The following RNF212B variants were observed in gnomAD, a reference collection of about 807,000 sequenced individuals.
RNF212B encodes the protein E3 ubiquitin-protein ligase RNF212B.
RNF212B carries 52 observed loss-of-function variants against 55.5 expected under a neutral mutation model. The observed-to-expected ratio is 0.94, with a 90% CI of 0.75 to 1.18. RNF212B has a LOEUF of 1.18. Among genes scored for constraint, RNF212B ranks in the 50% most tolerant of loss-of-function variants. The pLI, the probability that RNF212B is intolerant of heterozygous loss-of-function variation, is 0.00. For synonymous variants in RNF212B, 99 were observed against 121.4 expected (o/e 0.82, Z 1.21); for missense variants, 289 against 350.4 (o/e 0.82, Z 1.40).
chr14:23,225,094 C>T (rs922985315), intron 2 of RNF212B, among the ~76,000 whole-genome samples: 3 of 151,586 alleles, frequency 2.0e-5, no homozygotes, highest in African/African-American at 4.9e-5. Context: ...AAAAAAAACA[C>T]CTACAATAAG....
At chr14:23,234,467 T>C (rs913520896), upstream of RNF212B, among the ~76,000 whole-genome samples, 1 of 152,190 alleles carries the variant, frequency 6.6e-6, no homozygotes, top group Non-Finnish European at 1.5e-5. Flanking sequence ...TTTAGATTTC[T>C]GATCCATTTG....
rs71115601 is a variant in RNF212B, at chr14:23,193,751, C to CAA, written c.-2+361_-2+362dup. 8.8e-3 allele frequency among the ~76,000 whole-genome samples: 1,296 copies of CAA among 147,346 alleles called. 11 individuals carry two copies. Among genetic ancestry groups the CAA allele is most frequent in the Middle Eastern group, 0.014 (4 of 276 alleles). ...TAACGCATACCAGTAGAAGATTTAACAAAAAAAAAAAAGGAAGAATGGAAA... is the reference window on the plus strand; with the variant it reads ...TAACGCATACCAGTAGAAGATTTAACAAAAAAAAAAAAAAGGAAGAATGGAAA... On this transcript the variant is annotated intron_variant, in intron 2 of 15. Transcript: ENST00000399910.
At chr14:23,261,840 C>T (rs1009656419) in intron 7 of RNF212B, among the ~76,000 whole-genome samples, 1 of 151,968 alleles carries the variant, frequency 6.6e-6, no homozygotes, top group African/African-American at 2.4e-5. Context: ...TGGAGGACAC[C>T]TGTAGTCCCA....
Position 23,240,404 on chromosome 14 carries a change from C to G in RNF212B, c.59C>G (p.Thr20Ser). 1 of 1,550,318 alleles carries G rather than the reference C, an allele frequency of 6.5e-7. No individual in the cohort carries two copies. Among genetic ancestry groups the G allele is most frequent in the East Asian group, 2.4e-5 (1 of 40,906 alleles). ...AAAGATGGGGCCCATTTCTTTGTCA[C>G]CAGCTGTGGCCATATTTTCTGTAAA... ...FRKDGAHFFVTSCGHIFCKKC... is the reference protein window; with the variant it reads ...FRKDGAHFFVSSCGHIFCKKC... Residue 20 changes from threonine (T) to serine (S), a missense_variant, in exon 2 of 15, where the codon ACC becomes AGC. By Grantham distance (58) the Thr-to-Ser change is moderately conservative. Transcript: ENST00000430154.
At chr14:23,248,953 A>G (rs1030646960) in intron 4 of RNF212B, among the ~76,000 whole-genome samples, 4 of 152,084 alleles carry the variant, frequency 2.6e-5, no homozygotes, top group African/African-American at 7.2e-5. Context: ...CTGCTACCCA[A>G]CTCTGCTGTT....
At chr14:23,187,147 C>T (rs1053802318) in intron 1 of RNF212B, among the ~76,000 whole-genome samples, 17 of 152,114 alleles carry the variant, frequency 1.1e-4, no homozygotes, top group African/African-American at 3.4e-4. Context: ...TTGCGTGCTT[C>T]AGATCAGAAG....
chr14:23,196,955 C>T (rs569791930), intron 2 of RNF212B, among the ~76,000 whole-genome samples: 1 of 152,148 alleles, frequency 6.6e-6, no homozygotes. Flanking sequence ...TAATGTCTAC[C>T]TCCCCATCTA....
chr14:23,272,804 T>C lies in RNF212B; in HGVS notation c.835-19T>C, dbSNP rs1886207501. On this transcript the variant is annotated intron_variant, in intron 14 of 14. Transcript: ENST00000430154. ...GCTGTTATAAACACCCACATCTACC[T>C]TCTTGTCCTCTGCTGCAGACTCTCT... The C allele has an allele frequency of 6.5e-7, 1 of 1,536,618 alleles. No individual in the cohort carries two copies. The highest frequency in any genetic ancestry group is 2.0e-5 in the Admixed American group (1 of 50,962).
Position 23,220,401 on chromosome 14 carries a change from G to A in RNF212B, c.-1-19944G>A, listed in dbSNP as rs573160464. ...ACAAAAGTTAGCTGGGTCTGGTGGT[G>A]CACACCTGTAGTTCCAGCTACTTGG... On this transcript the variant is annotated intron_variant, in intron 2 of 15. Coordinates refer to the RNF212B transcript ENST00000399910. 3.4e-4 allele frequency among the ~76,000 whole-genome samples: 52 copies of A among 152,016 alleles called. No individual in the cohort carries two copies. In the South Asian group the frequency reaches 0.011, roughly 31 times the overall value.
chr14:23,212,584 A>G (rs964708062), intron 2 of RNF212B, among the ~76,000 whole-genome samples: 7 of 151,608 alleles, frequency 4.6e-5, no homozygotes, highest in Non-Finnish European at 8.8e-5. Context: ...TTATTTATTT[A>G]TTTATTTTTG....
At chr14:23,188,975 G>A (rs1566382664) in intron 1 of RNF212B, among the ~76,000 whole-genome samples, 1 of 152,096 alleles carries the variant, frequency 6.6e-6, no homozygotes, top group East Asian at 1.9e-4. Context: ...CCAACTAATT[G>A]TAGCAAGATG....
chr14:23,197,052 T>C (rs1158571207), intron 2 of RNF212B, among the ~76,000 whole-genome samples: 1 of 152,150 alleles, frequency 6.6e-6, no homozygotes, highest in Non-Finnish European at 1.5e-5. Context: ...TAGGACTAAG[T>C]AGGTACCCAA....
chr14:23,215,626 C>G (rs1224373613), intron 2 of RNF212B, among the ~76,000 whole-genome samples: 1 of 152,056 alleles, frequency 6.6e-6, no homozygotes, highest in Non-Finnish European at 1.5e-5. Flanking sequence ...CTATACCCAG[C>G]AAAAATATTC....
intron 5 of RNF212B, 28 bp downstream of exon 5, chr14:23,258,692 GC>G: frequency 1.2e-6 from 1 of 811,350 alleles, no homozygotes; most frequent in South Asian, 1.9e-5. Flanking sequence ...TCCCAAGAGA[GC>G]TTTTTTTTTT....
chr14:23,241,810 G>A (rs897007845), intron 2 of RNF212B, among the ~76,000 whole-genome samples: 7 of 151,800 alleles, frequency 4.6e-5, no homozygotes, highest in South Asian at 2.1e-4. Flanking sequence ...CTGGCCGGGC[G>A]CAGTGGCTCA....
upstream of RNF212B, among the ~76,000 whole-genome samples, chr14:23,237,291 G>T (rs1182834204): frequency 6.6e-6 from 1 of 152,014 alleles, no homozygotes; most frequent in South Asian, 2.1e-4. Context: ...CGCCACACTC[G>T]GCTAATTTTT....
chr14:23,200,489 C>T (rs1293495278), intron 2 of RNF212B, among the ~76,000 whole-genome samples: 1 of 152,030 alleles, frequency 6.6e-6, no homozygotes, highest in Non-Finnish European at 1.5e-5. Context: ...CTGTGTCTGG[C>T]TAATTTTTGT....
At chr14:23,238,150 C>A (rs1313148800) in intron 1 of RNF212B, among the ~76,000 whole-genome samples, 95 bp downstream of exon 1, 64 of 152,242 alleles carry the variant, frequency 4.2e-4, no homozygotes, top group African/African-American at 1.5e-3. Flanking sequence ...TCAGGGTCGC[C>A]TTAATCACCC....
At chr14:23,210,119 C>T (rs1246795224) in intron 2 of RNF212B, among the ~76,000 whole-genome samples, 2 of 152,188 alleles carry the variant, frequency 1.3e-5, no homozygotes, top group African/African-American at 4.8e-5. Flanking sequence ...CCACTGCACT[C>T]CGCCTGGGCA....
Sources: gnomAD v4.1 joint callset for allele counts (sites outside exome capture counted in the v4.1 genomes callset) on GRCh38, gnomAD v4.1.1 for gene constraint, MANE v1.5 for transcripts, NCBI Gene and HGNC (gene_info 2026-07-23, HGNC 2026-07-21) for gene names.